NAPA: variants seen among roughly 807,000 people sequenced by gnomAD.
The protein encoded by NAPA is alpha-soluble NSF attachment protein.
A neutral mutation model predicts 48.0 loss-of-function variants in NAPA; 18 were observed. The ratio of observed to expected loss-of-function variants is 0.38; its 90% CI spans 0.26 to 0.56. The LOEUF (loss-of-function observed/expected upper bound fraction) is 0.56. Among genes scored for constraint, NAPA ranks in the 20% least tolerant of loss-of-function variants. NAPA has a pLI of 0.77. For synonymous variants in NAPA, 152 were observed against 149.9 expected (o/e 1.01, Z -0.10); for missense variants, 315 against 385.0 (o/e 0.82, Z 1.52).
chr19:47,490,251 G>C (rs546020449), intron 9 of NAPA, among the ~76,000 whole-genome samples: 4 of 142,772 alleles, frequency 2.8e-5, no homozygotes, highest in East Asian at 4.1e-4. Flanking sequence ...TTTGTGTGTG[G>C]GGGGGTGTGT....
intron 9 of NAPA, 27 bp downstream of exon 9, chr19:47,490,761 G>A (rs377330182): frequency 6.2e-6 from 10 of 1,609,638 alleles, no homozygotes; most frequent in African/African-American, 4.0e-5. Context: ...GTTCGGGAAG[G>A]GGGAGGCCGG....
At chr19:47,490,407 G>T (rs1968220229) in intron 9 of NAPA, among the ~76,000 whole-genome samples, 1 of 147,624 alleles carries the variant, frequency 6.8e-6, no homozygotes, top group Admixed American at 6.8e-5. Flanking sequence ...TGGTGTGTGT[G>T]TAGCGTGTGG....
downstream of NAPA, chr19:47,484,564 AG>A (rs1204263129): frequency 5.0e-6 from 1 of 198,126 alleles, no homozygotes; most frequent in Non-Finnish European, 1.0e-5. Context: ...AAAATTCGCA[AG>A]GGGGTGGAGG....
At position 47,493,065 on chromosome 19, in the gene NAPA, G is replaced by A; in HGVS notation, c.477-20C>T. 1 of 1,614,130 alleles carries A rather than the reference G, an allele frequency of 6.2e-7. No homozygotes were observed. Among genetic ancestry groups the A allele is most frequent in the Non-Finnish European group, 8.5e-7 (1 of 1,179,982 alleles). ...GCTGAGCTGTGTGGGGAGGAGTAGT[G>A]AGGGGAAGTGGTGGCGGTCCCTGCG... On this transcript the variant is annotated intron_variant, in intron 6 of 10. Transcript: ENST00000263354. The surrounding 1 kb of genome is among the most constrained non-coding windows in gnomAD (Gnocchi z 6.4).
At chr19:47,492,155 G>C (rs1968286320) in intron 7 of NAPA, 36 bp from the exon 8 acceptor site, 1 of 1,584,832 alleles carries the variant, frequency 6.3e-7, no homozygotes, top group East Asian at 2.2e-5. Context: ...GTGAGCTCAG[G>C]GCAAGCAGCC....
intron 3 of NAPA, among the ~76,000 whole-genome samples, chr19:47,498,343 G>C (rs548373850): frequency 6.6e-6 from 1 of 152,190 alleles, no homozygotes; most frequent in Non-Finnish European, 1.5e-5. Context: ...GCTGTGGGGA[G>C]CCCAGGGCAG....
At chr19:47,500,933 G>A (rs1968562658) in intron 2 of NAPA, among the ~76,000 whole-genome samples, 184 bp from the exon 3 acceptor site, 1 of 152,108 alleles carries the variant, frequency 6.6e-6, no homozygotes, top group Admixed American at 6.5e-5. Context: ...TGGCTCCTGC[G>A]CTCAGGTCTG....
At chr19:47,508,197 G>A (rs542493925) in intron 1 of NAPA, among the ~76,000 whole-genome samples, 2 of 152,336 alleles carry the variant, frequency 1.3e-5, no homozygotes, top group South Asian at 2.1e-4. Flanking sequence ...CAGAAGGAAC[G>A]TCAGAAAAAG....
intron 1 of NAPA, among the ~76,000 whole-genome samples, chr19:47,511,433 G>C (rs1176040746): frequency 6.6e-6 from 1 of 152,162 alleles, no homozygotes; most frequent in African/African-American, 2.4e-5. Flanking sequence ...AGCTCCTCTG[G>C]GAGCTGGAAG....
intron 4 of NAPA, chr19:47,494,963 G>A (rs1317472678): frequency 6.5e-6 from 1 of 153,196 alleles, no homozygotes; most frequent in Non-Finnish European, 1.5e-5. Context: ...CGGGAAGGCT[G>A]GGCAAGGGGA....
chr19:47,510,580 C>T (rs543343978), intron 1 of NAPA, among the ~76,000 whole-genome samples: 7 of 152,268 alleles, frequency 4.6e-5, no homozygotes, highest in East Asian at 1.9e-4. Context: ...TCCCTCTACA[C>T]GTTTGTATCC....
intron 2 of NAPA, 72 bp downstream of exon 2, chr19:47,503,349 CGG>C: frequency 1.4e-6 from 2 of 1,388,820 alleles, no homozygotes; most frequent in Non-Finnish European, 2.1e-6. Context: ...GCCAACCTCT[CGG>C]GCAGGCCTGT....
intron 3 of NAPA, chr19:47,495,876 C>A: frequency 2.2e-6 from 1 of 456,678 alleles, no homozygotes; most frequent in Non-Finnish European, 4.0e-6. Flanking sequence ...CAGGATGCTA[C>A]CAGCTTCCCA....
At chr19:47,497,157 C>G (rs1375355509) in intron 3 of NAPA, 1 of 217,530 alleles carries the variant, frequency 4.6e-6, no homozygotes, top group Non-Finnish European at 9.5e-6. Context: ...CCGCCTTGCC[C>G]CGCCCCACCT....
At chr19:47,511,565 AG>A (rs1403156831) in intron 1 of NAPA, among the ~76,000 whole-genome samples, 1 of 152,238 alleles carries the variant, frequency 6.6e-6, no homozygotes, top group Non-Finnish European at 1.5e-5. Context: ...TCCTAAATGT[AG>A]TGCCCAGAGA....
chr19:47,498,385 G>T (rs1198575132), intron 3 of NAPA, among the ~76,000 whole-genome samples: 1 of 152,214 alleles, frequency 6.6e-6, no homozygotes, highest in African/African-American at 2.4e-5. Context: ...AAAGCCAAGG[G>T]TGTCCTGACT....
At chr19:47,508,763 A>C (rs1333665381) in intron 1 of NAPA, among the ~76,000 whole-genome samples, 1 of 151,896 alleles carries the variant, frequency 6.6e-6, no homozygotes, top group Non-Finnish European at 1.5e-5. Flanking sequence ...TCTGCTCCCA[A>C]AGTGCTGAGA....
rs540174947 is a variant in NAPA, at chr19:47,499,476, C to T, written c.295+1157G>A. 2.6e-5 allele frequency among the ~76,000 whole-genome samples: 4 copies of T among 152,372 alleles called. No individual in the cohort carries two copies. The South Asian group carries it at 8.3e-4, about 32-fold the overall frequency. ...AACCCAGGGTCTCCCTGGGTCATCA[C>T]TGCATCAACCACGCAGCCTGCTGTG... On this transcript the variant is annotated intron_variant, in intron 3 of 10. Coordinates refer to ENST00000263354, the MANE Select transcript of NAPA (RefSeq NM_003827.4).
intron 1 of NAPA, 79 bp from the exon 2 acceptor site, chr19:47,503,581 G>C: frequency 7.3e-7 from 1 of 1,368,036 alleles, no homozygotes; most frequent in Non-Finnish European, 1.0e-6. Flanking sequence ...TCCAGTGCCG[G>C]GCACAGACGT....
Sources: gnomAD v4.1 joint callset for allele counts (sites outside exome capture counted in the v4.1 genomes callset) on GRCh38, gnomAD v4.1.1 for gene constraint, Gnocchi (gnomAD v3.1) non-coding constraint, MANE v1.5 for transcripts, NCBI Gene and HGNC (gene_info 2026-07-23, HGNC 2026-07-21) for gene names.